RNF138: variants seen among roughly 807,000 people sequenced by gnomAD.
The protein encoded by RNF138 is E3 ubiquitin-protein ligase RNF138.
In RNF138, 12 loss-of-function variants were observed where a neutral mutation model predicts 31.0. The observed-to-expected ratio is 0.39, with a 90% CI of 0.25 to 0.63. The LOEUF (loss-of-function observed/expected upper bound fraction) is 0.63. Ranked by LOEUF, RNF138 falls within the 20% of genes least tolerant of loss-of-function variation. The pLI is 0.52. For synonymous variants in RNF138, 105 were observed against 99.5 expected, an observed-to-expected ratio of 1.06 and a Z score of -0.33; for missense variants, 192 against 300.1, an observed-to-expected ratio of 0.64 and a Z score of 2.66.
rs2040450960 is a variant in RNF138 at position 32,130,197 on chromosome 18, T to TATC, written c.*1011_*1013dup. On this transcript the variant is annotated 3_prime_UTR_variant, in exon 8 of 8. Transcript: ENST00000261593. ...ACAAGCAATAGGGGGTTGAAGTGTT[T>TATC]ATCTGATTTGTTTAAAATTTTGTAT... 1 of 152,382 alleles carries TATC rather than the reference T, an allele frequency of 6.6e-6. No homozygotes were observed. The highest frequency in any genetic ancestry group is 2.1e-4 in the South Asian group (1 of 4,836). The allele number at this position is 152,382 out of a possible 1,614,324, so 9.4% of individuals were successfully genotyped here.
At chr18:32,115,959 C>T (rs1465361344) in intron 4 of RNF138, among the ~76,000 whole-genome samples, 2 of 152,080 alleles carry the variant, frequency 1.3e-5, no homozygotes, top group Non-Finnish European at 2.9e-5. Flanking sequence ...GGCTTGGAGC[C>T]GGAATGCTGG....
intron 7 of RNF138, among the ~76,000 whole-genome samples, chr18:32,128,399 G>T (rs563262108): frequency 2.0e-5 from 3 of 152,298 alleles, no homozygotes; most frequent in Admixed American, 1.3e-4. Flanking sequence ...TTAGCTGGGT[G>T]TGGTGGTACG....
intron 3 of RNF138, among the ~76,000 whole-genome samples, chr18:32,112,300 T>C (rs1329277484): frequency 6.6e-6 from 1 of 152,238 alleles, no homozygotes; most frequent in African/African-American, 2.4e-5. Context: ...GCTTTACACA[T>C]AGAAATGTTA....
intron 4 of RNF138, among the ~76,000 whole-genome samples, chr18:32,120,891 C>T (rs2040293240): frequency 1.3e-5 from 2 of 152,038 alleles, no homozygotes; most frequent in South Asian, 2.1e-4. Context: ...TGTCTGTAAT[C>T]CCTGTACTTT....
intron 2 of RNF138, among the ~76,000 whole-genome samples, chr18:32,102,195 C>CT (rs1167535943): frequency 0.074 from 4,725 of 63,736 alleles, 439 homozygotes; most frequent in East Asian, 0.2. Context: ...CTTTTAGTTT[C>CT]TTTTTTTTTT....
rs1332941265 is a variant in RNF138, at chr18:32,130,999, A to C, written c.*1812A>C. ...AAAGTTTAATACATCCAATATGTCA[A>C]GTTAAACCATTCTGGGATTTGCAAA... On this transcript the variant is annotated 3_prime_UTR_variant, in exon 8 of 8. Transcript: ENST00000261593. 1 of 88,760 alleles carries C rather than the reference A, an allele frequency of 1.1e-5. No homozygotes were observed. Among genetic ancestry groups the C allele is most frequent in the Non-Finnish European group, 2.4e-5 (1 of 41,692 alleles). 5.5% of individuals were successfully genotyped at this position (88,760 alleles called of 1,614,324 possible). A position where few individuals can be genotyped will look rare whatever the true frequency, so the allele number is the denominator to read the frequency against.
chr18:32,118,133 C>T (rs1315588251), intron 4 of RNF138, among the ~76,000 whole-genome samples: 1 of 152,186 alleles, frequency 6.6e-6, no homozygotes, highest in Admixed American at 6.5e-5. Context: ...AAATTTCTCT[C>T]CAGATTGTTC....
In RNF138 at chr18:32,129,106, T is replaced by C. The variant is rs755422582; in HGVS notation, c.670-13T>C. ...TATGTTTTTCCTGTTGACATGAATGTTATTGTTTTTAGAATCTTCAGCTAG... is the reference window on the plus strand; with the variant it reads ...TATGTTTTTCCTGTTGACATGAATGCTATTGTTTTTAGAATCTTCAGCTAG... On this transcript the variant is annotated splice_polypyrimidine_tract_variant and intron_variant, in intron 7 of 7. Coordinates refer to ENST00000261593, the MANE Select transcript of RNF138 (RefSeq NM_016271.5). The C allele has an allele frequency of 6.1e-5, 97 of 1,589,030 alleles. No individual in the cohort carries two copies. The highest frequency in any genetic ancestry group is 7.7e-5 in the Non-Finnish European group (89 of 1,157,896).
intron 2 of RNF138, 117 bp from the exon 3 acceptor site, chr18:32,111,637 T>C (rs1240810562): frequency 6.2e-6 from 5 of 808,704 alleles, no homozygotes; most frequent in Non-Finnish European, 9.8e-6. Context: ...TATGTACATA[T>C]GAGTAGCCTA....
rs931694461 is a variant in RNF138, at chr18:32,095,752, G to A, written c.110+2866G>A. On this transcript the variant is annotated intron_variant, in intron 2 of 7. Coordinates refer to ENST00000261593, the MANE Select transcript of RNF138 (RefSeq NM_016271.5). ...TAACATTACTAAAATATAAACTCCC[G>A]TTTAATCCCCATTCATTCCCTGAAA... Among the ~76,000 whole-genome samples, 7 of 152,228 alleles carry A rather than the reference G, an allele frequency of 4.6e-5. No individual in the cohort carries two copies. The East Asian group carries it at 9.6e-4, about 21-fold the overall frequency.
intron 2 of RNF138, among the ~76,000 whole-genome samples, chr18:32,106,246 A>T (rs1481775869): frequency 6.6e-6 from 1 of 152,052 alleles, no homozygotes; most frequent in Non-Finnish European, 1.5e-5. Context: ...TATTCCAACC[A>T]TTTTTTTCCA....
At chr18:32,110,905 C>T (rs1023597179) in intron 2 of RNF138, among the ~76,000 whole-genome samples, 2 of 151,994 alleles carry the variant, frequency 1.3e-5, no homozygotes, top group Non-Finnish European at 2.9e-5. Context: ...CTCAGCCTCC[C>T]GGGTAGCTGA....
At chr18:32,126,830 A>G in intron 7 of RNF138, 30 bp downstream of exon 7, 1 of 1,291,414 alleles carries the variant, frequency 7.7e-7, no homozygotes, top group Non-Finnish European at 1.1e-6. Context: ...TTAAGAAAGT[A>G]CTGTTTAAAT....
At chr18:32,108,337 T>C (rs760708251) in intron 2 of RNF138, among the ~76,000 whole-genome samples, 29 of 152,156 alleles carry the variant, frequency 1.9e-4, no homozygotes, top group Non-Finnish European at 3.5e-4. Flanking sequence ...AGGGAACATA[T>C]CCCACCTCCT....
At chr18:32,117,596 T>C (rs539897617) in intron 4 of RNF138, among the ~76,000 whole-genome samples, 3 of 152,248 alleles carry the variant, frequency 2.0e-5, no homozygotes, top group East Asian at 1.9e-4. Context: ...CTCCACGTTA[T>C]GAATATACGG....
At chr18:32,123,474 T>C (rs1187416608) in intron 4 of RNF138, 44 bp from the exon 5 acceptor site, 6 of 1,263,004 alleles carry the variant, frequency 4.8e-6, no homozygotes, top group Non-Finnish European at 6.7e-6. Context: ...TTAGTGTGTT[T>C]TCATTACTTT....
intron 2 of RNF138, among the ~76,000 whole-genome samples, chr18:32,096,171 T>C (rs187155539): frequency 2.1e-3 from 325 of 152,364 alleles, no homozygotes; most frequent in African/African-American, 7.3e-3. Context: ...GATAACCTAA[T>C]GAATAATACT....
intron 4 of RNF138, among the ~76,000 whole-genome samples, chr18:32,114,466 A>C (rs1478672188): frequency 6.6e-6 from 1 of 152,218 alleles, no homozygotes; most frequent in East Asian, 1.9e-4. Flanking sequence ...ATTAACATCC[A>C]GTTACCTATT....
chr18:32,123,124 T>C (rs572868963), intron 4 of RNF138, among the ~76,000 whole-genome samples: 1 of 152,294 alleles, frequency 6.6e-6, no homozygotes, highest in South Asian at 2.1e-4. Context: ...ATGTCCTAGT[T>C]TGAAGTAAAA....
Sources: gnomAD v4.1 joint callset for allele counts (sites outside exome capture counted in the v4.1 genomes callset) on GRCh38, gnomAD v4.1.1 for gene constraint, MANE v1.5 for transcripts, NCBI Gene and HGNC (gene_info 2026-07-23, HGNC 2026-07-21) for gene names.